The following QTMAN variants were observed in gnomAD, a reference collection of about 807,000 sequenced individuals.
QTMAN encodes tRNA-queuosine alpha-mannosyltransferase.
At chr2:144,185,368 A>G in the QTMAN span, among the ~76,000 whole-genome samples, 1 of 152,166 alleles carries the variant, frequency 6.6e-6, no homozygotes, top group Admixed American at 6.6e-5. Flanking sequence ...GTGGGTCTGC[A>G]TAACTCTTAG....
chr2:144,303,654 C>T, the QTMAN span, among the ~76,000 whole-genome samples: 1 of 152,104 alleles, frequency 6.6e-6, no homozygotes, highest in Non-Finnish European at 1.5e-5. Flanking sequence ...TCTTAAATTT[C>T]AATACTAAAA....
chr2:144,296,171 A>G, the QTMAN span, among the ~76,000 whole-genome samples: 128 of 152,312 alleles, frequency 8.4e-4, 2 homozygotes, highest in Admixed American at 3.3e-3. Flanking sequence ...TTCCACATGT[A>G]TGTCTGAAGG....
chr2:144,048,931 G>C, the QTMAN span, among the ~76,000 whole-genome samples: 1 of 152,210 alleles, frequency 6.6e-6, no homozygotes, highest in African/African-American at 2.4e-5. Context: ...ATCTTCAGAA[G>C]AAAGTGGAGA....
At chr2:144,108,611 C>A in the QTMAN span, among the ~76,000 whole-genome samples, 3 of 139,128 alleles carry the variant, frequency 2.2e-5, no homozygotes, top group African/African-American at 1.0e-4. Context: ...GCCCTCCAGC[C>A]TGGGCGACAG....
chr2:144,151,019 G>A, the QTMAN span, among the ~76,000 whole-genome samples: 2 of 152,116 alleles, frequency 1.3e-5, no homozygotes, highest in Non-Finnish European at 2.9e-5. Context: ...ATGGGAGAGT[G>A]GCCAAAAATA....
the QTMAN span, among the ~76,000 whole-genome samples, chr2:144,290,724 T>C: frequency 2.0e-5 from 3 of 152,240 alleles, no homozygotes; most frequent in Non-Finnish European, 2.9e-5. Context: ...AATGCTCTCC[T>C]GGCAAATATC....
At chr2:143,994,647 AC>A in the QTMAN span, among the ~76,000 whole-genome samples, 3 of 152,334 alleles carry the variant, frequency 2.0e-5, no homozygotes, top group South Asian at 4.1e-4. Context: ...GTAAAAGACC[AC>A]ATATTGTATG....
At chr2:144,114,498 T>C in the QTMAN span, among the ~76,000 whole-genome samples, 1 of 152,214 alleles carries the variant, frequency 6.6e-6, no homozygotes, top group African/African-American at 2.4e-5. Context: ...ATATAAACTG[T>C]AATTTAATGA....
the QTMAN span, chr2:143,951,084 A>AG: frequency 6.6e-6 from 1 of 151,852 alleles, no homozygotes; most frequent in Admixed American, 6.6e-5. Context: ...CAGGGAAGGG[A>AG]GAAAAAAAAA....
the QTMAN span, among the ~76,000 whole-genome samples, chr2:144,307,348 G>C: frequency 6.6e-6 from 1 of 151,940 alleles, no homozygotes; most frequent in Non-Finnish European, 1.5e-5. Context: ...AAAAAACTTA[G>C]AGCTAATATC....
the QTMAN span, among the ~76,000 whole-genome samples, chr2:144,327,781 A>G: frequency 6.6e-6 from 1 of 152,106 alleles, no homozygotes; most frequent in African/African-American, 2.4e-5. Flanking sequence ...GGTAGGGGAG[A>G]TAGCAAGGAG....
chr2:144,031,970 C>T, the QTMAN span, among the ~76,000 whole-genome samples: 2 of 151,924 alleles, frequency 1.3e-5, no homozygotes, highest in African/African-American at 4.8e-5. Context: ...TTTTTAGTGG[C>T]GACGGGGTTT....
the QTMAN span, among the ~76,000 whole-genome samples, chr2:144,117,769 GC>G: frequency 2.3e-3 from 342 of 151,956 alleles, no homozygotes; most frequent in Non-Finnish European, 3.6e-3. Context: ...AAATGTTAAT[GC>G]ATATATAATG....
chr2:144,144,211 T>C, the QTMAN span, among the ~76,000 whole-genome samples: 1 of 151,962 alleles, frequency 6.6e-6, no homozygotes, highest in African/African-American at 2.4e-5. Flanking sequence ...TTTAGATAGC[T>C]TCCCTCAAAC....
At chr2:144,248,631 G>C in the QTMAN span, among the ~76,000 whole-genome samples, 1 of 152,084 alleles carries the variant, frequency 6.6e-6, no homozygotes, top group East Asian at 1.9e-4. Flanking sequence ...CTGAAGACAG[G>C]ACAGTGTCTA....
At chr2:144,079,987 C>T in the QTMAN span, among the ~76,000 whole-genome samples, 1 of 152,058 alleles carries the variant, frequency 6.6e-6, no homozygotes, top group East Asian at 1.9e-4. Context: ...TTGTGCATCA[C>T]TCTTTCTCAA....
the QTMAN span, among the ~76,000 whole-genome samples, chr2:144,025,202 G>T: frequency 6.6e-6 from 1 of 152,136 alleles, no homozygotes; most frequent in East Asian, 1.9e-4. Flanking sequence ...TAGAGACTGG[G>T]ATATCTGCCA....
the QTMAN span, chr2:144,179,044 A>G: frequency 2.3e-6 from 1 of 441,670 alleles, no homozygotes; most frequent in Non-Finnish European, 4.6e-6. Context: ...TAGCATTTTG[A>G]GTATGTGAGT....
At chr2:144,092,863 C>A in the QTMAN span, among the ~76,000 whole-genome samples, 1 of 117,148 alleles carries the variant, frequency 8.5e-6, no homozygotes, top group Non-Finnish European at 1.7e-5. Flanking sequence ...AATAAATAAA[C>A]TTTTGGGGTG....
Sources: gnomAD v4.1 joint callset for allele counts (sites outside exome capture counted in the v4.1 genomes callset) on GRCh38, gnomAD v4.1.1 for gene constraint, MANE v1.5 for transcripts, NCBI Gene and HGNC (gene_info 2026-07-23, HGNC 2026-07-21) for gene names.